The following TUBB variants were observed in gnomAD, a reference collection of about 807,000 sequenced individuals.
The protein encoded by TUBB is tubulin beta class I.
In TUBB, 2 loss-of-function variants were observed where a neutral mutation model predicts 35.1. The observed-to-expected ratio is 0.06, with a 90% CI of 0.02 to 0.18. The LOEUF (loss-of-function observed/expected upper bound fraction) is 0.18, where lower values mean the gene tolerates loss of function less well. Ranked by LOEUF, TUBB falls within the 10% of genes least tolerant of loss-of-function variation. TUBB has a pLI of 1.00. For synonymous variants in TUBB, 205 were observed against 223.8 expected (o/e 0.92, Z 0.75); for missense variants, 50 against 599.4 (o/e 0.08, Z 9.57).
At chr6:30,721,643 C>T (rs1018177907) in intron 1 of TUBB, 1 of 985,344 alleles carries the variant, frequency 1.0e-6, no homozygotes, top group Non-Finnish European at 1.2e-6. Context: ...TCCTCAGACC[C>T]CCAGCCTTTT....
At chr6:30,722,871 C>T (rs752724910) in intron 2 of TUBB, 47 bp from the exon 3 acceptor site, 38 of 1,504,710 alleles carry the variant, frequency 2.5e-5, no homozygotes, top group Non-Finnish European at 3.2e-5. Flanking sequence ...TATCTATAAA[C>T]CTTCCCTTCT....
chr6:30,721,834 G>C, intron 1 of TUBB: 8 of 985,462 alleles, frequency 8.1e-6, no homozygotes, highest in Non-Finnish European at 9.6e-6. Flanking sequence ...AGGCCCACGG[G>C]ATGCCATGCC....
intron 1 of TUBB, 38 bp from the exon 2 acceptor site, chr6:30,722,499 A>G (rs1038159062): frequency 4.9e-6 from 7 of 1,417,426 alleles, no homozygotes; most frequent in Middle Eastern, 1.8e-4. Flanking sequence ...GTTGGCTGGG[A>G]CTTGACCTGT....
At chr6:30,722,843 T>C (rs1013790698) in intron 2 of TUBB, 75 bp from the exon 3 acceptor site, 20 of 1,325,382 alleles carry the variant, frequency 1.5e-5, no homozygotes, top group Admixed American at 3.8e-5. Flanking sequence ...TGATCCCTGC[T>C]GTCTCCCATT....
intron 1 of TUBB, chr6:30,722,181 C>G (rs1776322407): frequency 1.2e-5 from 3 of 254,680 alleles, no homozygotes; most frequent in African/African-American, 4.5e-5. Flanking sequence ...CGCGGTGGCT[C>G]ACCCTTGTAA....
In TUBB at chr6:30,720,379, T is replaced by C. The variant is rs764992603; in HGVS notation, c.-128T>C. ...CTCAGAACCTTCCTGCCGTCGCGTTTGCACCTCGCTGCTCCAGCCTCTGGG... is the reference window on the plus strand; with the variant it reads ...CTCAGAACCTTCCTGCCGTCGCGTTCGCACCTCGCTGCTCCAGCCTCTGGG... On this transcript the variant is annotated 5_prime_UTR_variant, in exon 1 of 4. Transcript: ENST00000327892. The C allele has an allele frequency of 5.4e-5, 47 of 874,624 alleles. No individual in the cohort carries two copies. The highest frequency in any genetic ancestry group is 8.0e-5 in the Non-Finnish European group (42 of 525,100). 54.2% of individuals were successfully genotyped at this position (874,624 alleles called of 1,614,324 possible).
chr6:30,721,269 AAG>A (rs1266793656), intron 1 of TUBB, among the ~76,000 whole-genome samples: 1 of 152,132 alleles, frequency 6.6e-6, no homozygotes, highest in African/African-American at 2.4e-5. Flanking sequence ...ATGGGAGAGA[AAG>A]AATCCTTTAA....
chr6:30,724,493 A>G lies in TUBB; in HGVS notation c.*96A>G, dbSNP rs959597905. 1.2e-5 allele frequency: 15 copies of G among 1,209,330 alleles called. No individual in the cohort carries two copies. Among genetic ancestry groups the G allele is most frequent in the East Asian group, 2.6e-5 (1 of 39,214 alleles). 74.9% of individuals were successfully genotyped at this position (1,209,330 alleles called of 1,614,324 possible). A position where few individuals can be genotyped will look rare whatever the true frequency, so the allele number is the denominator to read the frequency against. ...CTCAGAATTTGTGTTTGCTGCCTCT[A>G]TCTTGTTTTTTGTTTTTTCTTCTGG... On this transcript the variant is annotated 3_prime_UTR_variant, in exon 4 of 4. Transcript: ENST00000327892. The surrounding 1 kb of genome is among the most constrained non-coding windows in gnomAD (Gnocchi z 4.4).
At chr6:30,723,064 C>T (rs1336504499) in intron 3 of TUBB, 36 bp downstream of exon 3, 2 of 1,519,334 alleles carry the variant, frequency 1.3e-6, no homozygotes, top group Non-Finnish European at 1.8e-6. Flanking sequence ...GATGATATAC[C>T]ATCGTGTTCA....
chr6:30,721,785 C>G, intron 1 of TUBB: 1 of 985,324 alleles, frequency 1.0e-6, no homozygotes, highest in African/African-American at 1.7e-5. Flanking sequence ...AAAGCTGTGG[C>G]TTTCTCGGGG....
At position 30,724,916 on chromosome 6, in the gene TUBB, C is replaced by T. The variant is rs1264030075; in HGVS notation, c.*519C>T. The T allele has an allele frequency of 6.4e-6, 1 of 156,290 alleles. No individual in the cohort carries two copies. The highest frequency in any genetic ancestry group is 1.4e-5 in the Non-Finnish European group (1 of 70,790). The allele number at this position is 156,290 out of a possible 1,614,324, so 9.7% of individuals were successfully genotyped here. On this transcript the variant is annotated 3_prime_UTR_variant, in exon 4 of 4. Coordinates refer to ENST00000327892, the MANE Select transcript of TUBB (RefSeq NM_178014.4). This position sits in a 1 kb window ranked among gnomAD's most constrained non-coding sequence, Gnocchi z 4.4. ...TTCTAAGTATGTCCATTTCCCATCTCAGCTTCAAGGGAGGTGTCAGCAGTA... is the reference window on the plus strand; with the variant it reads ...TTCTAAGTATGTCCATTTCCCATCTTAGCTTCAAGGGAGGTGTCAGCAGTA...
Position 30,724,157 on chromosome 6 carries a change from C to T in TUBB, c.1095C>T (p.Val365=). The T allele has an allele frequency of 1.2e-6, 2 of 1,614,108 alleles. No individual in the cohort carries two copies. The highest frequency in any genetic ancestry group is 1.7e-6 in the Non-Finnish European group (2 of 1,179,960). Residue 365 remains valine (V), a synonymous_variant, in exon 4 of 4, where the codon GTC becomes GTT. Transcript: ENST00000327892. The surrounding 1 kb of genome is among the most constrained non-coding windows in gnomAD (Gnocchi z 4.4). The part of the protein sequence containing the change: ...DIPPRGLKMA[V]TFIGNSTAIQ... ...CACCTCGTGGCCTCAAGATGGCAGTCACCTTCATTGGCAATAGCACAGCCA... is the reference window on the plus strand; with the variant it reads ...CACCTCGTGGCCTCAAGATGGCAGTTACCTTCATTGGCAATAGCACAGCCA...
In TUBB at chr6:30,723,452, G is replaced by C. The variant is rs763627349; in HGVS notation, c.390G>C (p.Leu130=). Reference sequence around the variant, plus strand: ...AGGAGGCAGAGAGCTGTGACTGCCTGCAGGGCTTCCAGCTGACCCACTCAC... The same window carrying C: ...AGGAGGCAGAGAGCTGTGACTGCCTCCAGGGCTTCCAGCTGACCCACTCAC... ...VRKEAESCDC[L]QGFQLTHSLG... is the part of the protein sequence containing the mutation. The change falls in exon 4 of 4, where the codon CTG becomes CTC. Residue 130 remains leucine, a synonymous_variant. Transcript: ENST00000327892. The C allele has an allele frequency of 6.2e-7, 1 of 1,614,232 alleles. No individual in the cohort carries two copies. The highest frequency in any genetic ancestry group is 1.1e-5 in the South Asian group (1 of 91,084).
chr6:30,723,265 G>C, intron 3 of TUBB, 75 bp from the exon 4 acceptor site: 1 of 1,258,212 alleles, frequency 7.9e-7, no homozygotes, highest in Non-Finnish European at 1.1e-6. Flanking sequence ...GGAATTATTT[G>C]AAAAGTTGAA....
At position 30,722,392 on chromosome 6, in the gene TUBB, G is replaced by A. The variant is rs148198842; in HGVS notation, c.58-145G>A. ...CGGGAAGCAGAGGTTGCAGTGAGCC[G>A]AGATAGCGCCACTGCACTCCAGCCT... On this transcript the variant is annotated intron_variant, in intron 1 of 3. Transcript: ENST00000327892. 0.014 allele frequency: 8,770 copies of A among 625,424 alleles called. 88 individuals carry two copies. Among genetic ancestry groups the A allele is most frequent in the East Asian group, 0.029 (1,049 of 35,808 alleles). 38.7% of individuals were successfully genotyped at this position (625,424 alleles called of 1,614,324 possible).
chr6:30,724,556 T>C lies in TUBB; in HGVS notation c.*159T>C, dbSNP rs537939028. The C allele has an allele frequency of 6.4e-6, 4 of 629,068 alleles. No homozygotes were observed. The highest frequency in any genetic ancestry group is 6.1e-5 in the Admixed American group (2 of 32,940). The allele number at this position is 629,068 out of a possible 1,614,324, so 39.0% of individuals were successfully genotyped here. A position where few individuals can be genotyped will look rare whatever the true frequency, so the allele number is the denominator to read the frequency against. On this transcript the variant is annotated 3_prime_UTR_variant, in exon 4 of 4. Coordinates refer to ENST00000327892, the MANE Select transcript of TUBB (RefSeq NM_178014.4). The surrounding 1 kb of genome is among the most constrained non-coding windows in gnomAD (Gnocchi z 4.4). ...ACAGTGCCTGGCACATAGTAGGCGC[T>C]CAATAAATACTTGTTTGTTGAATGT...
chr6:30,721,526 TC>T, intron 1 of TUBB: 1 of 983,900 alleles, frequency 1.0e-6, no homozygotes, highest in Non-Finnish European at 1.2e-6. Context: ...GGAATTTTTG[TC>T]CCTGGCCCCG....
chr6:30,720,399 T>TC lies in TUBB; in HGVS notation c.-107dup. The TC allele has an allele frequency of 9.2e-7, 1 of 1,081,088 alleles. No individual in the cohort carries two copies. The allele number at this position is 1,081,088 out of a possible 1,614,324, so 67.0% of individuals were successfully genotyped here. ...GCGTTTGCACCTCGCTGCTCCAGCC[T>TC]CTGGGGCGCATTCCAACCTTCCAGC... On this transcript the variant is annotated 5_prime_UTR_variant, in exon 1 of 4. Coordinates refer to ENST00000327892, the MANE Select transcript of TUBB (RefSeq NM_178014.4).
In TUBB at chr6:30,723,424, G is replaced by A. The variant is rs1437331996; in HGVS notation, c.362G>A (p.Arg121Gln). Reference protein sequence around the residue: ...ELVDSVLDVVRKEAESCDCLQ... With the variant: ...ELVDSVLDVVQKEAESCDCLQ... ...GTTGATTCTGTCCTGGATGTGGTAC[G>A]GAAGGAGGCAGAGAGCTGTGACTGC... The change falls in exon 4 of 4, where the codon CGG becomes CAG. Residue 121 changes from arginine to glutamine, a missense_variant. Arg to Gln is a conservative substitution (Grantham distance 43). Transcript: ENST00000327892. The A allele has an allele frequency of 1.2e-6, 2 of 1,614,152 alleles. No individual in the cohort carries two copies. Among genetic ancestry groups the A allele is most frequent in the Non-Finnish European group, 8.5e-7 (1 of 1,179,990 alleles).
Sources: allele counts gnomAD v4.1 joint callset (sites outside exome capture counted in the v4.1 genomes callset), GRCh38; gene constraint gnomAD v4.1.1; non-coding constraint Gnocchi (gnomAD v3.1); transcripts MANE v1.5; gene names NCBI Gene and HGNC (gene_info 2026-07-23, HGNC 2026-07-21).